ZFHX4: variants seen among roughly 807,000 people sequenced by gnomAD.
ZFHX4 encodes the protein zinc finger homeobox 4.
ZFHX4 carries 56 observed loss-of-function variants against 267.6 expected under a neutral mutation model. That is an observed-to-expected ratio of 0.21 (90% CI 0.17 to 0.26). The LOEUF is 0.26. Among genes scored for constraint, ZFHX4 ranks in the 10% least tolerant of loss-of-function variants. The pLI, the probability that ZFHX4 is intolerant of heterozygous loss-of-function variation, is 1.00. For synonymous variants in ZFHX4, 1,778 were observed against 1,665.6 expected, an observed-to-expected ratio of 1.07 and a Z score of -1.64; for missense variants, 4,332 against 4,420.0, an observed-to-expected ratio of 0.98 and a Z score of 0.56.
At chr8:76,743,094 T>A (rs1432766570) in intron 3 of ZFHX4, among the ~76,000 whole-genome samples, 1 of 152,166 alleles carries the variant, frequency 6.6e-6, no homozygotes. Flanking sequence ...ATCTTTCCAG[T>A]GCAGAAGTAT....
chr8:76,708,424 A>C (rs1808338647), intron 3 of ZFHX4, among the ~76,000 whole-genome samples: 1 of 151,808 alleles, frequency 6.6e-6, no homozygotes, highest in Admixed American at 6.6e-5. Flanking sequence ...GGAGCAGAAG[A>C]CAAAATCAGT....
intron 10 of ZFHX4, among the ~76,000 whole-genome samples, chr8:76,862,818 C>T (rs887318048): frequency 1.7e-4 from 26 of 152,242 alleles, no homozygotes; most frequent in African/African-American, 5.3e-4. Flanking sequence ...TCTTTCATAG[C>T]ATGAGAGCCT....
At chr8:76,745,582 T>G (rs979515695) in intron 3 of ZFHX4, among the ~76,000 whole-genome samples, 1 of 82,252 alleles carries the variant, frequency 1.2e-5, no homozygotes, top group Non-Finnish European at 2.1e-5. Context: ...TTCTAAAAGA[T>G]ATATATATAT....
chr8:76,750,037 T>C (rs1809573269), intron 3 of ZFHX4, among the ~76,000 whole-genome samples: 1 of 152,180 alleles, frequency 6.6e-6, no homozygotes, highest in African/African-American at 2.4e-5. Flanking sequence ...AAAATAACCT[T>C]CTAAATCCCT....
chr8:76,735,475 A>G (rs1213468848), intron 3 of ZFHX4, among the ~76,000 whole-genome samples: 1 of 152,124 alleles, frequency 6.6e-6, no homozygotes, highest in East Asian at 1.9e-4. Context: ...GTAGTATTTT[A>G]GTGAAATGTT....
chr8:76,708,971 C>A (rs1585869461), intron 3 of ZFHX4, among the ~76,000 whole-genome samples: 1 of 152,124 alleles, frequency 6.6e-6, no homozygotes, highest in East Asian at 1.9e-4. Flanking sequence ...GTCATTGTAA[C>A]AAGCTCTAAA....
chr8:76,854,299 G>A lies in ZFHX4; in HGVS notation c.7378G>A (p.Gly2460Arg), dbSNP rs984136010. ...PQPPKQPQLIGRPPSASQTPV... is the reference protein window; with the variant it reads ...PQPPKQPQLIRRPPSASQTPV... The stretch of plus-strand genomic sequence containing the variant: ...GCCACCAAAACAACCCCAACTTATC[G>A]GAAGACCTCCCTCGGCCTCTCAAAC... Residue 2460 changes from glycine (G) to arginine (R), a missense_variant, in exon 10 of 11, where the codon GGA (glycine) becomes AGA (arginine). By Grantham distance (125) the Gly-to-Arg change is moderately radical (BLOSUM62 -2). Coordinates refer to ENST00000651372, the MANE Select transcript of ZFHX4 (RefSeq NM_024721.5). 1.2e-6 allele frequency: 2 copies of A among 1,609,176 alleles called. No individual in the cohort carries two copies. Among genetic ancestry groups the A allele is most frequent in the East Asian group, 2.2e-5 (1 of 44,638 alleles).
chr8:76,796,587 A>G (rs947175160), intron 4 of ZFHX4, among the ~76,000 whole-genome samples: 1 of 152,140 alleles, frequency 6.6e-6, no homozygotes, highest in Non-Finnish European at 1.5e-5. Context: ...GATGAGCAAC[A>G]GCGTGGTTAA....
chr8:76,718,224 G>A (rs1808629374), intron 3 of ZFHX4, among the ~76,000 whole-genome samples: 1 of 152,072 alleles, frequency 6.6e-6, no homozygotes, highest in African/African-American at 2.4e-5. Context: ...AGATTGACAT[G>A]CTAAAATGGG....
intron 3 of ZFHX4, among the ~76,000 whole-genome samples, chr8:76,758,427 G>C (rs1479562813): frequency 2.0e-5 from 3 of 152,092 alleles, no homozygotes; most frequent in African/African-American, 7.2e-5. Context: ...ATAAGAACAG[G>C]TATTTTCCTC....
At chr8:76,815,398 A>G (rs1008950378) in intron 4 of ZFHX4, among the ~76,000 whole-genome samples, 11 of 152,298 alleles carry the variant, frequency 7.2e-5, no homozygotes, top group Admixed American at 3.3e-4. Flanking sequence ...GTGCCAGCCA[A>G]TTAGATGTCT....
chr8:76,754,429 T>C (rs1309584842), intron 3 of ZFHX4, among the ~76,000 whole-genome samples: 3 of 151,916 alleles, frequency 2.0e-5, no homozygotes, highest in Non-Finnish European at 4.4e-5. Flanking sequence ...GTGGTGGTTG[T>C]AGTGAGCCCA....
intron 3 of ZFHX4, among the ~76,000 whole-genome samples, chr8:76,718,575 T>C (rs943320796): frequency 3.3e-5 from 5 of 152,168 alleles, no homozygotes; most frequent in African/African-American, 4.8e-5. Flanking sequence ...GCAAGGGGAA[T>C]TTACAAATAA....
chr8:76,832,429 C>T lies in ZFHX4; in HGVS notation c.3326-909C>T, dbSNP rs147628527. ...ATTCACCCATACCTAGAAGTGATGG[C>T]GAAATGATTTGTACTCAAGATTCTA... is the stretch of plus-strand genomic sequence containing the variant. On this transcript the variant is annotated intron_variant, in intron 4 of 10. Transcript: ENST00000651372. Among the ~76,000 whole-genome samples, 297 of 152,040 alleles carry T rather than the reference C, an allele frequency of 2.0e-3. 1 individual carries two copies. The highest frequency in any genetic ancestry group is 6.8e-3 in the Middle Eastern group (2 of 294).
At chr8:76,730,429 AGTG>A (rs1257255868) in intron 3 of ZFHX4, among the ~76,000 whole-genome samples, 1 of 152,122 alleles carries the variant, frequency 6.6e-6, no homozygotes. Context: ...GGCCGAGCAC[AGTG>A]GCTCATGCCT....
At chr8:76,779,444 T>C (rs1810490365) in intron 4 of ZFHX4, among the ~76,000 whole-genome samples, 1 of 152,140 alleles carries the variant, frequency 6.6e-6, no homozygotes, top group Non-Finnish European at 1.5e-5. Context: ...CTTTCTCAAC[T>C]GAGCATTCTT....
intron 3 of ZFHX4, among the ~76,000 whole-genome samples, chr8:76,769,799 A>T (rs1810212808): frequency 7.1e-6 from 1 of 140,260 alleles, no homozygotes; most frequent in African/African-American, 3.1e-5. Flanking sequence ...CTCAAAAATT[A>T]ATATTTAAAT....
intron 4 of ZFHX4, among the ~76,000 whole-genome samples, chr8:76,825,152 C>G (rs1030750131): frequency 2.6e-5 from 4 of 152,140 alleles, no homozygotes; most frequent in Non-Finnish European, 4.4e-5. Context: ...TTGATATAGT[C>G]TTTTCTTTGA....
At chr8:76,790,722 T>G (rs1050870120) in intron 4 of ZFHX4, among the ~76,000 whole-genome samples, 1 of 152,130 alleles carries the variant, frequency 6.6e-6, no homozygotes, top group Non-Finnish European at 1.5e-5. Context: ...AGTTATCTTT[T>G]TTTGCCTATT....
Sources: allele counts gnomAD v4.1 joint callset (sites outside exome capture counted in the v4.1 genomes callset), GRCh38; gene constraint gnomAD v4.1.1; transcripts MANE v1.5; gene names NCBI Gene and HGNC (gene_info 2026-07-23, HGNC 2026-07-21).